The following NBAS variants were observed in gnomAD, a reference collection of about 807,000 sequenced individuals.
NBAS encodes the protein NAG/BC035112 fusion.
In NBAS, 219 loss-of-function variants were observed where a neutral mutation model predicts 302.5. The observed-to-expected ratio is 0.72, with a 90% CI of 0.65 to 0.81. The LOEUF (loss-of-function observed/expected upper bound fraction) is 0.81. Among genes scored for constraint, NBAS ranks in the 30% least tolerant of loss-of-function variants. The pLI is 0.00. For synonymous variants in NBAS, 1,118 were observed against 1,021.6 expected (o/e 1.09, Z -1.80); for missense variants, 2,932 against 2,841.6 (o/e 1.03, Z -0.72).
the NBAS span, among the ~76,000 whole-genome samples, chr2:15,044,384 A>T: frequency 7.9e-5 from 12 of 152,250 alleles, no homozygotes; most frequent in Non-Finnish European, 1.8e-4. Context: ...TTTCAGCTAT[A>T]CTCAAGCCTA....
At chr2:15,003,668 T>G in the NBAS span, among the ~76,000 whole-genome samples, 1 of 152,224 alleles carries the variant, frequency 6.6e-6, no homozygotes, top group Non-Finnish European at 1.5e-5. Flanking sequence ...CCTCCTCCTC[T>G]GAGCCTGAGC....
chr2:14,994,612 G>C, the NBAS span, among the ~76,000 whole-genome samples: 1 of 152,204 alleles, frequency 6.6e-6, no homozygotes, highest in African/African-American at 2.4e-5. Context: ...CCTGGGAGCA[G>C]CTATTCCCCT....
chr2:15,494,108 GC>G (rs1369724044), intron 11 of NBAS, among the ~76,000 whole-genome samples: 2 of 152,138 alleles, frequency 1.3e-5, no homozygotes, highest in Non-Finnish European at 2.9e-5. Flanking sequence ...ACAGGCATGA[GC>G]CACCCCACCC....
At chr2:15,364,384 A>T (rs978350451) in intron 32 of NBAS, among the ~76,000 whole-genome samples, 2 of 152,086 alleles carry the variant, frequency 1.3e-5, no homozygotes, top group Non-Finnish European at 2.9e-5. Flanking sequence ...ATACAAAATT[A>T]GCTGGGTGTG....
chr2:15,394,108 C>T, intron 28 of NBAS, 119 bp downstream of exon 28: 1 of 1,111,482 alleles, frequency 9.0e-7, no homozygotes, highest in Non-Finnish European at 1.3e-6. Flanking sequence ...TATACTTACA[C>T]TTTAAATATG....
intron 28 of NBAS, among the ~76,000 whole-genome samples, chr2:15,386,632 T>C (rs1381663040): frequency 1.3e-5 from 2 of 152,144 alleles, no homozygotes; most frequent in Admixed American, 6.5e-5. Flanking sequence ...GATCTTCATG[T>C]CCACCTTCAT....
the NBAS span, among the ~76,000 whole-genome samples, chr2:14,805,668 T>A: frequency 6.6e-6 from 1 of 152,112 alleles, no homozygotes; most frequent in African/African-American, 2.4e-5. Context: ...GAGGGCTGCT[T>A]CCAAATTCTA....
At chr2:15,053,656 C>CG in the NBAS span, among the ~76,000 whole-genome samples, 1 of 151,852 alleles carries the variant, frequency 6.6e-6, no homozygotes, top group African/African-American at 2.4e-5. Context: ...CCTGCAGACC[C>CG]GGGGGGATCT....
intron 9 of NBAS, among the ~76,000 whole-genome samples, chr2:15,527,649 C>CTCA (rs1373156508): frequency 6.6e-6 from 1 of 152,072 alleles, no homozygotes. Flanking sequence ...TCTTAAAGCC[C>CTCA]TCATGTCTTA....
chr2:15,386,926 G>A (rs529897995), intron 28 of NBAS, among the ~76,000 whole-genome samples: 35 of 152,022 alleles, frequency 2.3e-4, no homozygotes, highest in African/African-American at 8.4e-4. Context: ...TTAATTGAGT[G>A]TGTCCCCCTC....
chr2:14,918,186 T>A, the NBAS span, among the ~76,000 whole-genome samples: 1 of 152,110 alleles, frequency 6.6e-6, no homozygotes, highest in Admixed American at 6.6e-5. Context: ...ACTTGCATCC[T>A]AATTTCTTGT....
rs532590913 is a variant in NBAS, at chr2:15,454,887, A to G, written c.2339+6314T>C. On this transcript the variant is annotated intron_variant, in intron 21 of 51. Transcript: ENST00000281513. ...TATGTAAGTATTTCTTAACCATTCA[A>G]TACACATAAAACTATACTGCAATTT... is the stretch of plus-strand genomic sequence containing the variant. Among the ~76,000 whole-genome samples, 18 of 151,000 alleles carry G rather than the reference A, an allele frequency of 1.2e-4. 1 individual carries two copies. The South Asian group carries it at 2.1e-3, about 18-fold the overall frequency.
At chr2:15,504,035 C>T (rs1219900950) in intron 11 of NBAS, 110 bp downstream of exon 11, 1 of 816,702 alleles carries the variant, frequency 1.2e-6, no homozygotes, top group East Asian at 2.5e-5. Context: ...TATATGAATA[C>T]ACTCAGATGA....
chr2:15,113,926 C>A, the NBAS span, among the ~76,000 whole-genome samples: 2 of 151,980 alleles, frequency 1.3e-5, no homozygotes, highest in Non-Finnish European at 2.9e-5. Context: ...ACTAACAGCA[C>A]AAAAAGAGAG....
At chr2:15,403,686 C>A (rs1676261547) in intron 25 of NBAS, among the ~76,000 whole-genome samples, 4 of 149,886 alleles carry the variant, frequency 2.7e-5, no homozygotes, top group South Asian at 4.2e-4. Flanking sequence ...CTAAAGCAAT[C>A]CCCCCCAGAT....
chr2:14,813,636 A>G, the NBAS span, among the ~76,000 whole-genome samples: 2 of 152,202 alleles, frequency 1.3e-5, no homozygotes, highest in African/African-American at 4.8e-5. Flanking sequence ...ACTGGAACTT[A>G]TATTTAAAAG....
intron 40 of NBAS, among the ~76,000 whole-genome samples, chr2:15,295,132 A>C (rs1427038936): frequency 6.6e-6 from 1 of 152,208 alleles, no homozygotes; most frequent in Non-Finnish European, 1.5e-5. Flanking sequence ...TACACTTCTC[A>C]TTAGCCTCAA....
At chr2:15,172,709 C>A (rs1664351956) in intron 51 of NBAS, among the ~76,000 whole-genome samples, 1 of 152,174 alleles carries the variant, frequency 6.6e-6, no homozygotes, top group African/African-American at 2.4e-5. Flanking sequence ...AAAATATATT[C>A]TGTCATTTTT....
the NBAS span, among the ~76,000 whole-genome samples, chr2:14,806,672 A>G: frequency 9.8e-5 from 15 of 152,334 alleles, no homozygotes; most frequent in African/African-American, 3.6e-4. Flanking sequence ...ATAATCAAAT[A>G]TATCACTCAC....
Sources: allele counts gnomAD v4.1 joint callset (sites outside exome capture counted in the v4.1 genomes callset), GRCh38; gene constraint gnomAD v4.1.1; transcripts MANE v1.5; gene names NCBI Gene and HGNC (gene_info 2026-07-23, HGNC 2026-07-21).